Variants in PICALM observed in about 807,000 individuals in gnomAD.
The protein encoded by PICALM is phosphatidylinositol binding clathrin assembly protein.
A neutral mutation model predicts 80.5 loss-of-function variants in PICALM; 40 were observed. That is an observed-to-expected ratio of 0.50 (90% CI 0.39 to 0.65). The LOEUF (loss-of-function observed/expected upper bound fraction) is 0.65. PICALM is among the 30% of genes least tolerant of loss of function. PICALM has a pLI of 0.00. For missense variants in PICALM, 676 were observed against 778.9 expected, an observed-to-expected ratio of 0.87 and a Z score of 1.57; for synonymous variants, 288 against 260.3, an observed-to-expected ratio of 1.11 and a Z score of -1.02.
chr11:85,974,979 T>C (rs2094229156), intron 18 of PICALM, among the ~76,000 whole-genome samples, 167 bp from the exon 19 acceptor site: 1 of 151,616 alleles, frequency 6.6e-6, no homozygotes, highest in Non-Finnish European at 1.5e-5. Flanking sequence ...TTCGAGAGTA[T>C]TTTTTTTTCT....
At chr11:86,030,662 C>A (rs1390508567) in intron 2 of PICALM, among the ~76,000 whole-genome samples, 2 of 152,308 alleles carry the variant, frequency 1.3e-5, no homozygotes, top group Non-Finnish European at 2.9e-5. Flanking sequence ...GCGTATATAT[C>A]TTATTTGTTA....
At chr11:86,064,526 T>C (rs886139770) in intron 1 of PICALM, among the ~76,000 whole-genome samples, 1 of 151,342 alleles carries the variant, frequency 6.6e-6, no homozygotes, top group Admixed American at 6.6e-5. Context: ...CTGTGCGTGG[T>C]AGCAGATGCC....
chr11:85,962,958 G>A (rs1179215389), intron 19 of PICALM, among the ~76,000 whole-genome samples: 4 of 152,112 alleles, frequency 2.6e-5, no homozygotes, highest in Non-Finnish European at 5.9e-5. Context: ...ATAAGAGAAG[G>A]AAAGGAAATG....
At chr11:86,002,811 G>A (rs187780621) in intron 9 of PICALM, among the ~76,000 whole-genome samples, 49 of 152,186 alleles carry the variant, frequency 3.2e-4, no homozygotes, top group African/African-American at 8.9e-4. Context: ...TCAGGGGTTC[G>A]AGACCAGCCT....
intron 7 of PICALM, among the ~76,000 whole-genome samples, chr11:86,007,878 CCT>C (rs1406234669): frequency 6.6e-6 from 1 of 151,984 alleles, no homozygotes; most frequent in Non-Finnish European, 1.5e-5. Flanking sequence ...TGAAAACTCC[CCT>C]CTCTTCTATG....
chr11:86,056,879 C>T (rs2096277765), intron 1 of PICALM, among the ~76,000 whole-genome samples: 1 of 152,124 alleles, frequency 6.6e-6, no homozygotes, highest in African/African-American at 2.4e-5. Flanking sequence ...CAAGGACAAA[C>T]CTTTAAAACA....
At chr11:85,975,486 T>C (rs1315747474) in intron 18 of PICALM, among the ~76,000 whole-genome samples, 1 of 152,042 alleles carries the variant, frequency 6.6e-6, no homozygotes, top group Non-Finnish European at 1.5e-5. Context: ...TAAAATGCAA[T>C]GCTCTAAAAT....
intron 19 of PICALM, among the ~76,000 whole-genome samples, chr11:85,961,110 G>T: frequency 6.6e-6 from 1 of 151,284 alleles, no homozygotes; most frequent in Non-Finnish European, 1.5e-5. Context: ...ATAGGGGAGG[G>T]AATACATAAT....
rs146217703 is a variant in PICALM at position 86,014,817 on chromosome 11, G to C, written c.546+53C>G. On this transcript the variant is annotated intron_variant, in intron 5 of 19. Coordinates refer to ENST00000393346, the MANE Select transcript of PICALM (RefSeq NM_007166.4). ...AAAACTTGAGGTTAAAAATTCTCAT[G>C]AATTATAATGACCTAATTTTTTAAA... The C allele has an allele frequency of 4.2e-4, 432 of 1,021,936 alleles. No individual in the cohort carries two copies. The African/African-American group carries it at 6.6e-3, about 16-fold the overall frequency. The allele number at this position is 1,021,936 out of a possible 1,614,324, so 63.3% of individuals were successfully genotyped here.
chr11:86,068,569 G>C (rs965152753), intron 1 of PICALM, 82 bp downstream of exon 1: 1 of 1,357,362 alleles, frequency 7.4e-7, no homozygotes, highest in African/African-American at 1.5e-5. Context: ...CAGTAGAAGG[G>C]TGAAAGACAA....
intron 1 of PICALM, among the ~76,000 whole-genome samples, chr11:86,057,233 C>T (rs1267743815): frequency 6.6e-6 from 1 of 151,530 alleles, no homozygotes; most frequent in Non-Finnish European, 1.5e-5. Flanking sequence ...TAAATAATTG[C>T]AAAAAAGAAA....
chr11:85,974,571 G>C, intron 19 of PICALM, 137 bp downstream of exon 19: 1 of 731,594 alleles, frequency 1.4e-6, no homozygotes, highest in South Asian at 1.4e-5. Flanking sequence ...ATATAAGAAA[G>C]ATATGAAGCA....
intron 1 of PICALM, among the ~76,000 whole-genome samples, chr11:86,032,948 T>C (rs2095783966): frequency 6.6e-6 from 1 of 152,162 alleles, no homozygotes; most frequent in South Asian, 2.1e-4. Flanking sequence ...CACATGCATT[T>C]TAGATAAGCA....
intron 1 of PICALM, among the ~76,000 whole-genome samples, chr11:86,032,212 T>C (rs1304439489): frequency 6.6e-6 from 1 of 152,164 alleles, no homozygotes; most frequent in East Asian, 1.9e-4. Flanking sequence ...TTAGCTCAGA[T>C]CAGTTGATAA....
intron 3 of PICALM, among the ~76,000 whole-genome samples, chr11:86,025,841 G>C (rs1188247052): frequency 2.0e-5 from 3 of 152,186 alleles, no homozygotes; most frequent in Admixed American, 2.0e-4. Flanking sequence ...TAACAGGCAT[G>C]AGCCACCGTA....
chr11:85,992,474 G>A (rs2094813716), intron 12 of PICALM, among the ~76,000 whole-genome samples: 2 of 151,740 alleles, frequency 1.3e-5, no homozygotes, highest in African/African-American at 4.8e-5. Flanking sequence ...TAGTAGAGAC[G>A]GGGGTTTCAC....
intron 1 of PICALM, among the ~76,000 whole-genome samples, chr11:86,057,364 C>G (rs1355747597): frequency 6.6e-6 from 1 of 152,076 alleles, no homozygotes; most frequent in Non-Finnish European, 1.5e-5. Flanking sequence ...CATGGTGAAA[C>G]CCCGTCTCTA....
intron 1 of PICALM, among the ~76,000 whole-genome samples, chr11:86,047,776 AG>A (rs1312573096): frequency 6.6e-6 from 1 of 152,196 alleles, no homozygotes; most frequent in Non-Finnish European, 1.5e-5. Flanking sequence ...GCCCAAGGAC[AG>A]GAAGCAACTT....
chr11:86,003,666 G>GT, intron 8 of PICALM: 1 of 363,724 alleles, frequency 2.7e-6, no homozygotes, highest in Non-Finnish European at 4.9e-6. Flanking sequence ...TATCAAAAAC[G>GT]TTAAGAACTG....
Sources: gnomAD v4.1 joint callset for allele counts (sites outside exome capture counted in the v4.1 genomes callset) on GRCh38, gnomAD v4.1.1 for gene constraint, MANE v1.5 for transcripts, NCBI Gene and HGNC (gene_info 2026-07-23, HGNC 2026-07-21) for gene names.